The following ZEB1 variants were observed in gnomAD, a reference collection of about 807,000 sequenced individuals.
The protein encoded by ZEB1 is zinc finger E-box-binding homeobox 1.
Under a neutral mutation model 84.9 loss-of-function variants are expected in ZEB1, and 21 were observed. That is an observed-to-expected ratio of 0.25 (90% CI 0.18 to 0.36). The LOEUF (loss-of-function observed/expected upper bound fraction) is 0.36, where lower values mean the gene tolerates loss of function less well. Among genes scored for constraint, ZEB1 ranks in the 10% least tolerant of loss-of-function variants. ZEB1 has a pLI of 1.00. For synonymous variants in ZEB1, 420 were observed against 471.1 expected (o/e 0.89, Z 1.41); for missense variants, 1,104 against 1,330.2 (o/e 0.83, Z 2.65).
At chr10:31,460,996 A>G (rs772574125) in intron 1 of ZEB1, 41 bp from the exon 2 acceptor site, 2 of 1,492,558 alleles carry the variant, frequency 1.3e-6, no homozygotes, top group Non-Finnish European at 1.9e-6. Flanking sequence ...TGATTGTTTT[A>G]CTAGTTGGTT....
At position 31,425,810 on chromosome 10, in the gene ZEB1, G is replaced by T. The variant is rs533560114; in HGVS notation, c.59-35227G>T. 7.0e-3 allele frequency among the ~76,000 whole-genome samples: 1,059 copies of T among 152,142 alleles called. 13 individuals are homozygous for T. Among genetic ancestry groups the T allele is most frequent in the Non-Finnish European group, 9.1e-3 (615 of 67,944 alleles). On this transcript the variant is annotated intron_variant, in intron 1 of 8. Transcript: ENST00000424869. ...GTCTATATTTTGGTGGAACTTAAGG[G>T]TATATTTTTCTAGACCTGACTTCAT...
At chr10:31,443,850 G>A (rs1426784329) in intron 1 of ZEB1, among the ~76,000 whole-genome samples, 6 of 151,088 alleles carry the variant, frequency 4.0e-5, no homozygotes, top group Admixed American at 6.6e-5. Flanking sequence ...CTTTGCTATC[G>A]TGAATAGTGC....
At chr10:31,325,452 T>C (rs1291763335) in intron 1 of ZEB1, among the ~76,000 whole-genome samples, 1 of 152,098 alleles carries the variant, frequency 6.6e-6, no homozygotes, top group Non-Finnish European at 1.5e-5. Flanking sequence ...CATTTATCTG[T>C]CCATATGCAC....
intron 1 of ZEB1, among the ~76,000 whole-genome samples, chr10:31,415,693 G>T (rs777563359): frequency 6.6e-6 from 1 of 151,968 alleles, no homozygotes; most frequent in Non-Finnish European, 1.5e-5. Flanking sequence ...TATATATAAA[G>T]GGAAAACTTC....
chr10:31,512,174 A>G (rs2070186428), intron 5 of ZEB1, among the ~76,000 whole-genome samples: 1 of 152,128 alleles, frequency 6.6e-6, no homozygotes, highest in Non-Finnish European at 1.5e-5. Flanking sequence ...GGCTTGGGAA[A>G]GAGCCTACTC....
In ZEB1 at chr10:31,520,222, T is replaced by A; in HGVS notation, c.890T>A (p.Ile297Lys). 2 of 1,614,006 alleles carry A rather than the reference T, an allele frequency of 1.2e-6. No homozygotes were observed. Among genetic ancestry groups the A allele is most frequent in the Non-Finnish European group, 1.7e-6 (2 of 1,179,920 alleles). Residue 297 changes from isoleucine (I) to lysine (K), a missense_variant, in exon 7 of 9, where the codon ATA (isoleucine) becomes AAA (lysine). Around this residue, in one of 7 missense-constraint regions of ZEB1, gnomAD observed 111 missense variants for 161.8 expected, o/e 0.69. Transcript: ENST00000424869. The surrounding 1 kb of genome is among the most constrained non-coding windows in gnomAD (Gnocchi z 5.1). ...HISSKKCISL[I>K]PVNGRPRTGL... ...AGCAGTAAGAAATGTATCAGCTTGATACCTGTGAATGGGCGACCAAGAACA... is the reference window on the plus strand; with the variant it reads ...AGCAGTAAGAAATGTATCAGCTTGAAACCTGTGAATGGGCGACCAAGAACA...
intron 1 of ZEB1, among the ~76,000 whole-genome samples, chr10:31,394,027 C>CT (rs989990904): frequency 6.6e-6 from 1 of 152,112 alleles, no homozygotes; most frequent in African/African-American, 2.4e-5. Flanking sequence ...AACACATTGC[C>CT]TGCCCTCACA....
At chr10:31,394,296 G>A (rs2050300429) in intron 1 of ZEB1, among the ~76,000 whole-genome samples, 1 of 152,160 alleles carries the variant, frequency 6.6e-6, no homozygotes, top group African/African-American at 2.4e-5. Flanking sequence ...ACACTGTACG[G>A]TGAAATATCT....
At chr10:31,338,901 A>G (rs2038795099) in intron 1 of ZEB1, among the ~76,000 whole-genome samples, 1 of 152,138 alleles carries the variant, frequency 6.6e-6, no homozygotes, top group African/African-American at 2.4e-5. Flanking sequence ...TGTATAAATC[A>G]TTTATGGGAG....
chr10:31,497,924 AATAGATAGATAG>A (rs145458133), intron 3 of ZEB1, among the ~76,000 whole-genome samples: 1,460 of 145,486 alleles, frequency 0.01, 24 homozygotes, highest in African/African-American at 0.028. Context: ...AGGATGGAAA[AATAGATAGATAG>A]ATAGATAGAT....
intron 1 of ZEB1, among the ~76,000 whole-genome samples, chr10:31,358,780 A>C (rs2042523706): frequency 1.3e-5 from 2 of 152,212 alleles, no homozygotes; most frequent in Admixed American, 1.3e-4. Flanking sequence ...TAAAATATTT[A>C]ACCAGCCAAC....
At chr10:31,519,211 A>G (rs1027556704) in intron 6 of ZEB1, among the ~76,000 whole-genome samples, 4 of 152,202 alleles carry the variant, frequency 2.6e-5, no homozygotes, top group African/African-American at 9.7e-5. Context: ...GTAACCTTTA[A>G]ATTATAAATT....
At chr10:31,460,364 T>A (rs1458203521) in intron 1 of ZEB1, among the ~76,000 whole-genome samples, 1 of 152,124 alleles carries the variant, frequency 6.6e-6, no homozygotes, top group African/African-American at 2.4e-5. Flanking sequence ...TATATAGAAA[T>A]TGACTAATTT....
intron 1 of ZEB1, among the ~76,000 whole-genome samples, chr10:31,375,165 T>C (rs76084053): frequency 0.016 from 2,431 of 151,572 alleles, 54 homozygotes; most frequent in African/African-American, 0.055. Flanking sequence ...TGTTTATGCT[T>C]CATCTCCGCA....
At chr10:31,393,100 A>G (rs1784570181) in intron 1 of ZEB1, among the ~76,000 whole-genome samples, 1 of 152,230 alleles carries the variant, frequency 6.6e-6, no homozygotes, top group Non-Finnish European at 1.5e-5. Flanking sequence ...GGTCTCCCAA[A>G]GAGCTGGGAC....
At chr10:31,339,393 CAT>C (rs1210915186) in intron 1 of ZEB1, among the ~76,000 whole-genome samples, 1 of 152,094 alleles carries the variant, frequency 6.6e-6, no homozygotes. Context: ...TCTCTTTGCA[CAT>C]GTGTGGCATA....
intron 1 of ZEB1, among the ~76,000 whole-genome samples, chr10:31,362,270 C>A (rs1313896055): frequency 6.9e-6 from 1 of 145,078 alleles, no homozygotes; most frequent in Non-Finnish European, 1.5e-5. Context: ...CGCTCCTCCT[C>A]AATTCCCAGA....
intron 1 of ZEB1, among the ~76,000 whole-genome samples, chr10:31,366,884 T>A (rs1564611105): frequency 6.6e-6 from 1 of 152,180 alleles, no homozygotes. Context: ...CCCAGTGCGA[T>A]TCCAGGAAAG....
intron 1 of ZEB1, among the ~76,000 whole-genome samples, chr10:31,323,234 T>G (rs747928866): frequency 6.6e-6 from 1 of 152,134 alleles, no homozygotes; most frequent in Non-Finnish European, 1.5e-5. Flanking sequence ...TGTTGCATAT[T>G]TAGAATACTT....
Sources: gnomAD v4.1 joint callset for allele counts (sites outside exome capture counted in the v4.1 genomes callset) on GRCh38, gnomAD v4.1.1 for gene constraint, gnomAD v4.1.1 regional missense constraint, Gnocchi (gnomAD v3.1) non-coding constraint, MANE v1.5 for transcripts, NCBI Gene and HGNC (gene_info 2026-07-23, HGNC 2026-07-21) for gene names.